Variants in BCKDHB observed in about 807,000 individuals in gnomAD.
BCKDHB encodes branched chain keto acid dehydrogenase E1 subunit beta.
A neutral mutation model predicts 48.5 loss-of-function variants in BCKDHB; 41 were observed. The ratio of observed to expected loss-of-function variants is 0.85; its 90% CI spans 0.66 to 1.10. The LOEUF (loss-of-function observed/expected upper bound fraction) is 1.10. BCKDHB is among the 50% of genes least tolerant of loss of function. The pLI is 0.00. For synonymous variants in BCKDHB, 201 were observed against 174.8 expected (o/e 1.15, Z -1.18); for missense variants, 496 against 494.2 (o/e 1.00, Z -0.03).
At chr6:80,393,642 T>TATG in the BCKDHB span, among the ~76,000 whole-genome samples, 1 of 152,216 alleles carries the variant, frequency 6.6e-6, no homozygotes, top group African/African-American at 2.4e-5. Context: ...CCAAATGGGC[T>TATG]ATGACAACAC....
At chr6:80,460,689 G>C in the BCKDHB span, among the ~76,000 whole-genome samples, 1 of 152,132 alleles carries the variant, frequency 6.6e-6, no homozygotes, top group African/African-American at 2.4e-5. Context: ...TGTTACTATT[G>C]TAAAAACCTG....
intron 8 of BCKDHB, among the ~76,000 whole-genome samples, chr6:80,264,700 G>C (rs1029953383): frequency 6.6e-6 from 1 of 152,200 alleles, no homozygotes; most frequent in East Asian, 1.9e-4. Context: ...AAACCAGAAC[G>C]TGATGCTTTT....
the BCKDHB span, among the ~76,000 whole-genome samples, chr6:80,459,117 T>C: frequency 6.6e-6 from 1 of 152,116 alleles, no homozygotes; most frequent in African/African-American, 2.4e-5. Flanking sequence ...GATCCAGTGA[T>C]CTCACTTCTG....
intron 8 of BCKDHB, among the ~76,000 whole-genome samples, chr6:80,232,821 G>C (rs181911698): frequency 6.6e-6 from 1 of 150,984 alleles, no homozygotes; most frequent in Non-Finnish European, 1.5e-5. Context: ...GTGTTTGTGC[G>C]TTCTCTTTCT....
At chr6:80,309,607 G>C (rs1323422635) in intron 9 of BCKDHB, among the ~76,000 whole-genome samples, 2 of 151,898 alleles carry the variant, frequency 1.3e-5, no homozygotes, top group East Asian at 1.9e-4. Flanking sequence ...TTGTTTGTTT[G>C]TTTGTTTTAC....
At chr6:80,222,229 T>C (rs866465110) in intron 8 of BCKDHB, among the ~76,000 whole-genome samples, 4 of 152,238 alleles carry the variant, frequency 2.6e-5, no homozygotes, top group Non-Finnish European at 4.4e-5. Context: ...TTTGATTTTC[T>C]GTTACTGAGT....
At chr6:80,374,056 G>A in the BCKDHB span, 156 of 676,018 alleles carry the variant, frequency 2.3e-4, 2 homozygotes, top group Non-Finnish European at 5.5e-6. Flanking sequence ...AGTTTCTTCT[G>A]GGATATCTTT....
chr6:80,464,615 G>C, the BCKDHB span, among the ~76,000 whole-genome samples: 1 of 152,198 alleles, frequency 6.6e-6, no homozygotes, highest in Non-Finnish European at 1.5e-5. Flanking sequence ...TCACTGAACA[G>C]TTGAAAGGAG....
intron 9 of BCKDHB, among the ~76,000 whole-genome samples, chr6:80,337,531 T>C (rs1769654632): frequency 6.6e-6 from 1 of 151,942 alleles, no homozygotes; most frequent in Admixed American, 6.6e-5. Context: ...CTTAATGTTT[T>C]TTTCCTAGAG....
At chr6:80,283,086 C>T (rs1206038393) in intron 9 of BCKDHB, among the ~76,000 whole-genome samples, 1 of 152,036 alleles carries the variant, frequency 6.6e-6, no homozygotes, top group Admixed American at 6.6e-5. Context: ...TTTGGTTTTT[C>T]TGCAGGTTAG....
intron 2 of BCKDHB, among the ~76,000 whole-genome samples, chr6:80,128,435 C>T (rs924202495): frequency 6.6e-6 from 1 of 151,980 alleles, no homozygotes. Flanking sequence ...TGGTTAGGTA[C>T]GTTTATGAGA....
the BCKDHB span, among the ~76,000 whole-genome samples, chr6:80,427,564 T>C: frequency 2.6e-5 from 4 of 152,172 alleles, no homozygotes; most frequent in African/African-American, 7.2e-5. Flanking sequence ...TTTCATTCTT[T>C]CCTATAGATT....
At chr6:80,410,413 C>T in the BCKDHB span, among the ~76,000 whole-genome samples, 19 of 152,212 alleles carry the variant, frequency 1.2e-4, no homozygotes, top group African/African-American at 3.6e-4. Context: ...GTGAATCTGA[C>T]GATTATGTGT....
chr6:80,144,338 C>G (rs904204046), intron 3 of BCKDHB, among the ~76,000 whole-genome samples: 3 of 152,122 alleles, frequency 2.0e-5, no homozygotes, highest in African/African-American at 7.2e-5. Context: ...AATAAAGATT[C>G]TGCAAAGTTT....
At chr6:80,415,831 G>T in the BCKDHB span, among the ~76,000 whole-genome samples, 10 of 151,916 alleles carry the variant, frequency 6.6e-5, no homozygotes, top group African/African-American at 2.4e-4. Flanking sequence ...TTTTGGTCTA[G>T]TTTCCATAGG....
At chr6:80,424,744 A>G in the BCKDHB span, among the ~76,000 whole-genome samples, 1 of 152,164 alleles carries the variant, frequency 6.6e-6, no homozygotes, top group African/African-American at 2.4e-5. Flanking sequence ...GGCATGTCAA[A>G]TTGTGTATTG....
chr6:80,282,203 C>A (rs1284477941), intron 9 of BCKDHB, among the ~76,000 whole-genome samples: 1 of 152,056 alleles, frequency 6.6e-6, no homozygotes, highest in African/African-American at 2.4e-5. Context: ...AAAAAATATG[C>A]CACTTACTAT....
At chr6:80,427,691 C>A in the BCKDHB span, among the ~76,000 whole-genome samples, 1 of 151,948 alleles carries the variant, frequency 6.6e-6, no homozygotes, top group Admixed American at 6.6e-5. Flanking sequence ...CTGAAAATAT[C>A]TTTATTAAAT....
chr6:80,374,074 G>A, the BCKDHB span: 16 of 687,942 alleles, frequency 2.3e-5, no homozygotes, highest in South Asian at 1.8e-4. Context: ...TTTTTCTTCT[G>A]GGCAACTTCT....
Sources: allele counts gnomAD v4.1 joint callset (sites outside exome capture counted in the v4.1 genomes callset), GRCh38; gene constraint gnomAD v4.1.1; transcripts MANE v1.5; gene names NCBI Gene and HGNC (gene_info 2026-07-23, HGNC 2026-07-21).